Variants in FREM3 observed in about 807,000 individuals in gnomAD.
FREM3 encodes the protein FRAS1-related extracellular matrix protein 3.
A neutral mutation model predicts 129.1 loss-of-function variants in FREM3; 105 were observed. The ratio of observed to expected loss-of-function variants is 0.81; its 90% CI spans 0.69 to 0.96. The LOEUF (loss-of-function observed/expected upper bound fraction) is 0.96. Among genes scored for constraint, FREM3 ranks in the 40% least tolerant of loss-of-function variants. FREM3 has a pLI of 0.00. For missense variants in FREM3, 2,593 were observed against 2,666.3 expected, an observed-to-expected ratio of 0.97 and a Z score of 0.61; for synonymous variants, 1,014 against 1,044.9, an observed-to-expected ratio of 0.97 and a Z score of 0.57.
intron 2 of FREM3, among the ~76,000 whole-genome samples, chr4:143,648,607 C>A (rs549953240): frequency 2.6e-5 from 4 of 152,196 alleles, no homozygotes; most frequent in Non-Finnish European, 5.9e-5. Flanking sequence ...CTTTGCTTGA[C>A]GCTCACTTCT....
In FREM3 at chr4:143,697,586, C is replaced by T. The variant is rs1740599756; in HGVS notation, c.3090G>A (p.Lys1030=). The T allele has an allele frequency of 6.5e-7, 1 of 1,537,532 alleles. No homozygotes were observed. The highest frequency in any genetic ancestry group is 1.2e-5 in the South Asian group (1 of 84,072). ...GGATGAGGCTGAAGGCATCGTGCTGCTTTTGAAAACCAACTTCACCTGCAG... is the reference window on the plus strand; with the variant it reads ...GGATGAGGCTGAAGGCATCGTGCTGTTTTTGAAAACCAACTTCACCTGCAG... The part of the protein sequence containing the change: ...AHTAGEVGFQ[K]QHDAFSLILS... The change falls in exon 1 of 8, where the codon AAG becomes AAA. Residue 1030 remains lysine, a synonymous_variant. Coordinates refer to ENST00000329798, the MANE Select transcript of FREM3 (RefSeq NM_001168235.2).
chr4:143,577,401 T>C lies in FREM3; in HGVS notation c.*210A>G, dbSNP rs1738057412. ...ATAGAAAAAGAACATGAACACAGTC[T>C]AATTATTTGTGGGCTCAATGTTTTC... On this transcript the variant is annotated 3_prime_UTR_variant, in exon 8 of 8. Transcript: ENST00000329798. 9.2e-6 allele frequency: 5 copies of C among 543,028 alleles called. No individual in the cohort carries two copies. In the East Asian group the frequency reaches 1.5e-4, roughly 16 times the overall value. The allele number at this position is 543,028 out of a possible 1,614,324, so 33.6% of individuals were successfully genotyped here. A position where few individuals can be genotyped will look rare whatever the true frequency, so the allele number is the denominator to read the frequency against.
At chr4:143,633,438 A>G (rs1434666734) in intron 2 of FREM3, among the ~76,000 whole-genome samples, 2 of 152,180 alleles carry the variant, frequency 1.3e-5, no homozygotes, top group African/African-American at 4.8e-5. Flanking sequence ...CAATTATTGC[A>G]TAAATATTTA....
At chr4:143,595,739 T>G (rs1285879121) in intron 6 of FREM3, among the ~76,000 whole-genome samples, 1 of 151,860 alleles carries the variant, frequency 6.6e-6, no homozygotes, top group Non-Finnish European at 1.5e-5. Flanking sequence ...TACAAAAAAA[T>G]TAGCCAGGTG....
rs1482117869 is a variant in FREM3 at position 143,698,476 on chromosome 4, C to T, written c.2200G>A (p.Asp734Asn). The part of the protein sequence containing the change: ...QKNFLRYIDQ[D>N]SDDQNLWYTL... ...TACCATAGGTTCTGGTCATCAGAGT[C>T]CTGGTCAATGTATCGGAGGAAATTC... Residue 734 changes from aspartate to asparagine, a missense_variant, in exon 1 of 8, where the codon GAC becomes AAC. Asp to Asn is a conservative substitution (Grantham distance 23). Transcript: ENST00000329798. 3.3e-6 allele frequency: 5 copies of T among 1,537,760 alleles called. No homozygotes were observed. In the South Asian group the frequency reaches 4.8e-5, roughly 15 times the overall value.
At chr4:143,611,130 T>C in intron 6 of FREM3, 149 bp downstream of exon 6, 1 of 812,076 alleles carries the variant, frequency 1.2e-6, no homozygotes. Context: ...TGTCTATGCA[T>C]TTGAAGAGCT....
intron 6 of FREM3, among the ~76,000 whole-genome samples, chr4:143,593,347 T>C (rs891575403): frequency 6.6e-6 from 1 of 152,230 alleles, no homozygotes; most frequent in Non-Finnish European, 1.5e-5. Flanking sequence ...TGCTCTGTTT[T>C]TTCCCCATCT....
chr4:143,595,843 A>C (rs915080340), intron 6 of FREM3, among the ~76,000 whole-genome samples: 3 of 143,410 alleles, frequency 2.1e-5, no homozygotes, highest in Admixed American at 7.6e-5. Flanking sequence ...AGCTGAGATC[A>C]CGCCACTGCA....
chr4:143,586,244 T>G (rs1738242100), intron 6 of FREM3, among the ~76,000 whole-genome samples: 1 of 152,212 alleles, frequency 6.6e-6, no homozygotes, highest in Admixed American at 6.5e-5. Context: ...ATTCATTTTT[T>G]TGTTTTAAGA....
intron 2 of FREM3, among the ~76,000 whole-genome samples, chr4:143,676,581 A>T (rs891817585): frequency 2.0e-5 from 3 of 152,210 alleles, no homozygotes; most frequent in Admixed American, 6.5e-5. Flanking sequence ...GTATTCAATT[A>T]GGAAGAGAGG....
chr4:143,635,920 T>A (rs1560852838), intron 2 of FREM3, among the ~76,000 whole-genome samples: 1 of 152,116 alleles, frequency 6.6e-6, no homozygotes, highest in Admixed American at 6.5e-5. Context: ...AGTGGAAGCA[T>A]CAGGTTGTCA....
At chr4:143,683,724 A>C (rs1474592658) in intron 2 of FREM3, among the ~76,000 whole-genome samples, 2 of 152,196 alleles carry the variant, frequency 1.3e-5, no homozygotes, top group East Asian at 3.9e-4. Flanking sequence ...GAAAGAACCA[A>C]GCCCCTTTCT....
In FREM3 at chr4:143,652,757, T is replaced by C. The variant is rs561553531; in HGVS notation, c.5276-24997A>G. 1.2e-4 allele frequency among the ~76,000 whole-genome samples: 18 copies of C among 152,308 alleles called. 1 individual carries two copies. The East Asian group carries it at 3.5e-3, about 30-fold the overall frequency. On this transcript the variant is annotated intron_variant, in intron 2 of 7. Transcript: ENST00000329798. Reference sequence around the variant, plus strand: ...CCATTCTCCTGCCTCAGCCTCTGAGTAGCTGGGATTACAGTTGCATGCCTC... The same window carrying C: ...CCATTCTCCTGCCTCAGCCTCTGAGCAGCTGGGATTACAGTTGCATGCCTC...
At chr4:143,617,105 AG>A (rs1738867140) in intron 5 of FREM3, among the ~76,000 whole-genome samples, 1 of 152,228 alleles carries the variant, frequency 6.6e-6, no homozygotes, top group African/African-American at 2.4e-5. Flanking sequence ...GAGAAGAAAA[AG>A]ATGGATGAGA....
intron 2 of FREM3, 73 bp from the exon 3 acceptor site, chr4:143,627,833 T>C: frequency 1.0e-6 from 1 of 983,890 alleles, no homozygotes; most frequent in Middle Eastern, 2.1e-4. Context: ...AATGTGTGCA[T>C]TTTACTTCTG....
At chr4:143,672,025 T>C (rs1460191207) in intron 2 of FREM3, among the ~76,000 whole-genome samples, 2 of 152,170 alleles carry the variant, frequency 1.3e-5, no homozygotes, top group African/African-American at 2.4e-5. Context: ...TTGTCAAGGT[T>C]CCCCTCTCTC....
At position 143,700,120 on chromosome 4, in the gene FREM3, G is replaced by A. The variant is rs558547486; in HGVS notation, c.556C>T (p.Arg186Cys). 2.0e-6 allele frequency: 3 copies of A among 1,537,036 alleles called. No individual in the cohort carries two copies. The highest frequency in any genetic ancestry group is 2.6e-6 in the Non-Finnish European group (3 of 1,146,890). The change falls in exon 1 of 8, where the codon CGC (arginine) becomes TGC (cysteine). Residue 186 changes from arginine (R) to cysteine (C), a missense_variant. By Grantham distance (180) the Arg-to-Cys change is radical (BLOSUM62 -3). Around this residue, in one of 2 missense-constraint regions of FREM3, gnomAD observed 2,276 missense variants for 2,267.2 expected, o/e 1.00. Coordinates refer to ENST00000329798, the MANE Select transcript of FREM3 (RefSeq NM_001168235.2). Reference sequence around the variant, plus strand: ...TCCAGCACTCTCCTGTCTATGGCGCGGCTCCAGCTTCGCAGCTTCTCCACT... The same window carrying A: ...TCCAGCACTCTCCTGTCTATGGCGCAGCTCCAGCTTCGCAGCTTCTCCACT... ...LVVEKLRSWS[R>C]AIDRRVLDFA...
intron 5 of FREM3, among the ~76,000 whole-genome samples, chr4:143,617,659 A>G (rs1011977444): frequency 6.6e-6 from 1 of 150,996 alleles, no homozygotes; most frequent in African/African-American, 2.5e-5. Context: ...AATGTTAGCA[A>G]CTCTTGGGTT....
chr4:143,671,321 G>A (rs1015470305), intron 2 of FREM3, among the ~76,000 whole-genome samples: 11 of 151,922 alleles, frequency 7.2e-5, no homozygotes, highest in East Asian at 3.9e-4. Flanking sequence ...GCTTTAACTC[G>A]TATACACAGC....
Sources: gnomAD v4.1 joint callset for allele counts (sites outside exome capture counted in the v4.1 genomes callset) on GRCh38, gnomAD v4.1.1 for gene constraint, gnomAD v4.1.1 regional missense constraint, MANE v1.5 for transcripts, NCBI Gene and HGNC (gene_info 2026-07-23, HGNC 2026-07-21) for gene names.